Variants in CUX2 observed in about 807,000 individuals in gnomAD.
CUX2 encodes homeobox protein cut-like 2.
A neutral mutation model predicts 144.8 loss-of-function variants in CUX2; 40 were observed. That is an observed-to-expected ratio of 0.28 (90% CI 0.21 to 0.36). The LOEUF (loss-of-function observed/expected upper bound fraction) is 0.36, where lower values mean the gene tolerates loss of function less well. CUX2 is among the 10% of genes least tolerant of loss of function. The pLI is 1.00. For missense variants in CUX2, 1,615 were observed against 1,994.0 expected, an observed-to-expected ratio of 0.81 and a Z score of 3.62; for synonymous variants, 827 against 875.6, an observed-to-expected ratio of 0.94 and a Z score of 0.98.
At chr12:111,050,050 A>G (rs1447888298) in intron 1 of CUX2, among the ~76,000 whole-genome samples, 1 of 152,180 alleles carries the variant, frequency 6.6e-6, no homozygotes, top group African/African-American at 2.4e-5. Flanking sequence ...AAGGCAGGGC[A>G]GAGAAACCCT....
rs368058847 is a variant in CUX2 at position 111,306,997 on chromosome 12, G to A, written c.935G>A (p.Arg312Gln). 202 of 1,613,594 alleles carry A rather than the reference G, an allele frequency of 1.3e-4. No individual in the cohort carries two copies. The highest frequency in any genetic ancestry group is 1.7e-4 in the Non-Finnish European group (197 of 1,179,950). ...ALASKDREILRLLKDVQHLQS... is the reference protein window; with the variant it reads ...ALASKDREILQLLKDVQHLQS... ...GCCTCCAAGGACAGGGAGATCCTGCGGCTGCTGAAGGACGTGCAGCACCTC... is the reference window on the plus strand; with the variant it reads ...GCCTCCAAGGACAGGGAGATCCTGCAGCTGCTGAAGGACGTGCAGCACCTC... Residue 312 changes from arginine (R) to glutamine (Q), a missense_variant, in exon 11 of 22, where the codon CGG (arginine) becomes CAG (glutamine). Around this residue, in one of 12 missense-constraint regions of CUX2, gnomAD observed 295 missense variants for 400.2 expected, o/e 0.74. Coordinates refer to ENST00000261726, the MANE Select transcript of CUX2 (RefSeq NM_015267.4).
intron 1 of CUX2, among the ~76,000 whole-genome samples, chr12:111,075,465 G>A (rs1027287380): frequency 2.0e-5 from 3 of 152,170 alleles, no homozygotes; most frequent in Non-Finnish European, 1.5e-5. Flanking sequence ...GAGTCAAAGC[G>A]TCTAGGCTGT....
intron 1 of CUX2, among the ~76,000 whole-genome samples, chr12:111,213,419 C>T (rs1056675117): frequency 1.3e-5 from 2 of 152,134 alleles, no homozygotes; most frequent in Admixed American, 6.5e-5. Context: ...GTGTGTGAGC[C>T]GAAGCATCCC....
intron 3 of CUX2, among the ~76,000 whole-genome samples, chr12:111,219,032 C>G (rs999171214): frequency 1.4e-4 from 22 of 152,158 alleles, no homozygotes; most frequent in Non-Finnish European, 2.9e-4. Flanking sequence ...TCCCTGGACT[C>G]AGGCAGGACC....
chr12:111,329,863 CT>C (rs1415585563), intron 18 of CUX2, among the ~76,000 whole-genome samples: 2 of 152,182 alleles, frequency 1.3e-5, no homozygotes, highest in Non-Finnish European at 2.9e-5. Flanking sequence ...TCTCGAACCC[CT>C]GACCTCAGGT....
At chr12:111,102,584 G>T (rs115686792) in intron 1 of CUX2, among the ~76,000 whole-genome samples, 1,527 of 152,328 alleles carry the variant, frequency 0.01, 19 homozygotes, top group African/African-American at 0.034. Flanking sequence ...GCCAGGCCTT[G>T]TGCTGAAACA....
At chr12:111,055,412 A>G (rs1057288514) in intron 1 of CUX2, among the ~76,000 whole-genome samples, 1 of 152,232 alleles carries the variant, frequency 6.6e-6, no homozygotes, top group Non-Finnish European at 1.5e-5. Context: ...AGTCGCAATG[A>G]GGCGGCCCCG....
At chr12:111,343,337 G>T (rs1888657076) in intron 21 of CUX2, among the ~76,000 whole-genome samples, 3 of 152,082 alleles carry the variant, frequency 2.0e-5, no homozygotes, top group Admixed American at 2.0e-4. Flanking sequence ...CTTCCTAGGA[G>T]TTTTAGTCCC....
In CUX2 at chr12:111,312,296, A is replaced by C. The variant is rs1886949001; in HGVS notation, c.2002+95A>C. ...TCTACCTTTGTCCACCCCAGAGGGA[A>C]TCCAAGGTGGATCAGAACCACCAGA... On this transcript the variant is annotated intron_variant, in intron 16 of 21. Coordinates refer to ENST00000261726, the MANE Select transcript of CUX2 (RefSeq NM_015267.4). The surrounding 1 kb of genome is among the most constrained non-coding windows in gnomAD (Gnocchi z 4.3). 1 of 1,127,560 alleles carries C rather than the reference A, an allele frequency of 8.9e-7. No individual in the cohort carries two copies. The highest frequency in any genetic ancestry group is 1.6e-5 in the African/African-American group (1 of 63,912). 69.8% of individuals were successfully genotyped at this position (1,127,560 alleles called of 1,614,324 possible).
At chr12:111,058,751 G>A (rs1265369791) in intron 1 of CUX2, among the ~76,000 whole-genome samples, 1 of 152,114 alleles carries the variant, frequency 6.6e-6, no homozygotes, top group African/African-American at 2.4e-5. Context: ...AGAATTCAGG[G>A]AGAGACCGCA....
At chr12:111,150,821 C>T (rs1306151506) in intron 1 of CUX2, among the ~76,000 whole-genome samples, 1 of 152,040 alleles carries the variant, frequency 6.6e-6, no homozygotes, top group Non-Finnish European at 1.5e-5. Flanking sequence ...TTTCAGGGAG[C>T]AAGTTTCTGG....
chr12:111,038,970 A>T lies in CUX2; in HGVS notation c.63+4730A>T, dbSNP rs531012416. ...TACTTTTTTCCTTATTTTTTTTTTT[A>T]AACTCTCCTGTTAAAAAGAGGATTC... On this transcript the variant is annotated intron_variant, in intron 1 of 21. Coordinates refer to ENST00000261726, the MANE Select transcript of CUX2 (RefSeq NM_015267.4). Among the ~76,000 whole-genome samples the T allele has an allele frequency of 1.1e-3, 163 of 151,072 alleles. 1 individual carries two copies. In the South Asian group the frequency reaches 0.016, roughly 15 times the overall value.
intron 18 of CUX2, among the ~76,000 whole-genome samples, chr12:111,326,818 C>T (rs534229434): frequency 1.7e-4 from 26 of 152,198 alleles, no homozygotes; most frequent in South Asian, 8.3e-4. Flanking sequence ...GCGAGAGGAT[C>T]GCTTGAACCC....
chr12:111,185,098 A>G (rs1363537995), intron 1 of CUX2, among the ~76,000 whole-genome samples: 2 of 152,194 alleles, frequency 1.3e-5, no homozygotes, highest in East Asian at 3.9e-4. Flanking sequence ...AAGGTATGGG[A>G]TATCCTCTGA....
intron 16 of CUX2, among the ~76,000 whole-genome samples, chr12:111,315,771 A>G (rs1887155767): frequency 2.0e-5 from 3 of 152,058 alleles, no homozygotes. Context: ...TGTAGTCCCA[A>G]CTACTTGAGA....
At chr12:111,278,354 G>A (rs866724112) in intron 4 of CUX2, among the ~76,000 whole-genome samples, 4 of 152,222 alleles carry the variant, frequency 2.6e-5, no homozygotes, top group South Asian at 2.1e-4. Context: ...CCAGGAAGTC[G>A]AGGCTGCAGT....
intron 1 of CUX2, among the ~76,000 whole-genome samples, chr12:111,208,939 GA>G (rs2136218663): frequency 6.6e-6 from 1 of 152,278 alleles, no homozygotes; most frequent in Non-Finnish European, 1.5e-5. Context: ...CTAGTGACAA[GA>G]AAGTGTCCTT....
intron 2 of CUX2, among the ~76,000 whole-genome samples, chr12:111,214,737 T>C (rs1275833514): frequency 6.6e-6 from 1 of 152,142 alleles, no homozygotes; most frequent in Non-Finnish European, 1.5e-5. Context: ...ACTCGGCCTC[T>C]CACCCCCTTT....
At chr12:111,224,751 C>G (rs192782401) in intron 3 of CUX2, among the ~76,000 whole-genome samples, 1 of 152,022 alleles carries the variant, frequency 6.6e-6, no homozygotes, top group African/African-American at 2.4e-5. Context: ...GCCTTGCTGG[C>G]CGGTGAGGCC....
Sources: gnomAD v4.1 joint callset for allele counts (sites outside exome capture counted in the v4.1 genomes callset) on GRCh38, gnomAD v4.1.1 for gene constraint, gnomAD v4.1.1 regional missense constraint, Gnocchi (gnomAD v3.1) non-coding constraint, MANE v1.5 for transcripts, NCBI Gene and HGNC (gene_info 2026-07-23, HGNC 2026-07-21) for gene names.